Variants in CALD1 observed in about 807,000 individuals in gnomAD.
CALD1 encodes caldesmon.
Under a neutral mutation model 99.9 loss-of-function variants are expected in CALD1, and 33 were observed. The ratio of observed to expected loss-of-function variants is 0.33; its 90% CI spans 0.25 to 0.44. CALD1 has a LOEUF of 0.44. Among genes scored for constraint, CALD1 ranks in the 20% least tolerant of loss-of-function variants. The probability of loss-of-function intolerance (pLI) is 1.00; values close to 1 mark genes in which losing one functional copy is unlikely to be tolerated. For missense variants in CALD1, 861 were observed against 962.1 expected (o/e 0.89, Z 1.39); for synonymous variants, 310 against 325.0 (o/e 0.95, Z 0.50).
At chr7:134,947,985 A>G (rs1807035447) in intron 8 of CALD1, 2 of 512,562 alleles carry the variant, frequency 3.9e-6, no homozygotes, top group South Asian at 8.0e-5. Context: ...TACAGATGAG[A>G]AAACTGAGGC....
At chr7:134,817,142 TGG>T (rs1293477696) in intron 1 of CALD1, among the ~76,000 whole-genome samples, 15 of 152,120 alleles carry the variant, frequency 9.9e-5, no homozygotes. Flanking sequence ...AGTGCATCTT[TGG>T]AGGAATGCAA....
intron 1 of CALD1, among the ~76,000 whole-genome samples, chr7:134,772,912 A>G (rs1215382145): frequency 6.6e-6 from 1 of 151,826 alleles, no homozygotes. Flanking sequence ...GGACTCTTTC[A>G]CCTCTATCCT....
intron 2 of CALD1, among the ~76,000 whole-genome samples, chr7:134,861,469 C>T (rs1469969006): frequency 2.6e-5 from 4 of 152,140 alleles, no homozygotes; most frequent in African/African-American, 9.7e-5. Flanking sequence ...ACGACATGCT[C>T]CCTTTCTCCC....
At chr7:134,805,901 T>C (rs1013530208) in intron 1 of CALD1, among the ~76,000 whole-genome samples, 1 of 152,190 alleles carries the variant, frequency 6.6e-6, no homozygotes, top group Admixed American at 6.5e-5. Context: ...GCTGGGACTA[T>C]AGACACGTGC....
intron 1 of CALD1, chr7:134,745,704 G>C (rs1011408420): frequency 6.6e-6 from 1 of 152,200 alleles, no homozygotes; most frequent in Non-Finnish European, 1.5e-5. Context: ...ATTAATAAAA[G>C]TTCTGGAGGA....
At chr7:134,761,584 T>C (rs1387708721) in intron 1 of CALD1, among the ~76,000 whole-genome samples, 1 of 152,230 alleles carries the variant, frequency 6.6e-6, no homozygotes, top group African/African-American at 2.4e-5. Context: ...ATATCAACTC[T>C]TGTGAGGCAG....
chr7:134,722,389 T>TTTTGTTTA, the CALD1 span, among the ~76,000 whole-genome samples: 4 of 148,974 alleles, frequency 2.7e-5, no homozygotes, highest in African/African-American at 9.8e-5. Flanking sequence ...AGTAGTTCGA[T>TTTTGTTTA]TTTGTTTATT....
the CALD1 span, among the ~76,000 whole-genome samples, chr7:134,713,112 C>T: frequency 6.6e-6 from 1 of 152,194 alleles, no homozygotes. Context: ...CAAATTACTT[C>T]CTAACTAGTC....
At chr7:134,793,588 C>A (rs1426534661) in intron 1 of CALD1, among the ~76,000 whole-genome samples, 1 of 152,160 alleles carries the variant, frequency 6.6e-6, no homozygotes, top group Admixed American at 6.5e-5. Context: ...CTGCTCATGG[C>A]TTCTCTGTCT....
At chr7:134,766,148 T>TC (rs1796824772) in intron 1 of CALD1, among the ~76,000 whole-genome samples, 1 of 125,136 alleles carries the variant, frequency 8.0e-6, no homozygotes, top group African/African-American at 3.3e-5. Context: ...TTTCTTTTTT[T>TC]TTTTTTTTTT....
At chr7:134,826,289 T>G (rs1798991053) in intron 1 of CALD1, among the ~76,000 whole-genome samples, 1 of 152,188 alleles carries the variant, frequency 6.6e-6, no homozygotes, top group African/African-American at 2.4e-5. Flanking sequence ...CGAGCACAGC[T>G]GCCCATGACC....
At chr7:134,846,616 T>C (rs1202678163) in intron 2 of CALD1, among the ~76,000 whole-genome samples, 1 of 152,236 alleles carries the variant, frequency 6.6e-6, no homozygotes, top group East Asian at 1.9e-4. Flanking sequence ...CCTTGCTTTA[T>C]GTTTCTTCTC....
intron 6 of CALD1, among the ~76,000 whole-genome samples, chr7:134,938,299 C>T (rs1806153750): frequency 6.6e-6 from 1 of 152,164 alleles, no homozygotes; most frequent in African/African-American, 2.4e-5. Context: ...ATGCTCGAGA[C>T]ACATCTCAGT....
intron 2 of CALD1, among the ~76,000 whole-genome samples, chr7:134,848,965 T>G (rs1799965293): frequency 6.6e-6 from 1 of 152,228 alleles, no homozygotes; most frequent in South Asian, 2.1e-4. Flanking sequence ...CTTCTCCATC[T>G]CACGTGCCAT....
intron 2 of CALD1, among the ~76,000 whole-genome samples, chr7:134,865,116 AG>A (rs1033348932): frequency 7.9e-5 from 12 of 152,160 alleles, no homozygotes; most frequent in African/African-American, 2.9e-4. Flanking sequence ...AGCACTGAGT[AG>A]GGGTAGGGCA....
chr7:134,769,001 G>A lies in CALD1; in HGVS notation c.-130+24638G>A, dbSNP rs115255197. ...TGCTTCTGAGTTTCAGGTACATCTA[G>A]GTCATTCATTTTAGCTATTATGTAT... On this transcript the variant is annotated intron_variant, in intron 1 of 13. Transcript: ENST00000417172. Among the ~76,000 whole-genome samples the A allele has an allele frequency of 6.7e-3, 1,019 of 151,530 alleles. 12 individuals are homozygous for A. The highest frequency in any genetic ancestry group is 0.023 in the African/African-American group (970 of 41,372).
intron 1 of CALD1, among the ~76,000 whole-genome samples, chr7:134,841,566 G>T (rs754798425): frequency 3.3e-5 from 5 of 152,152 alleles, no homozygotes. Context: ...GCTCGTGCAA[G>T]CCTGTAGAAC....
the CALD1 span, among the ~76,000 whole-genome samples, chr7:134,730,056 G>A: frequency 1.3e-5 from 2 of 152,122 alleles, no homozygotes; most frequent in African/African-American, 4.8e-5. Context: ...ACATGAGGCG[G>A]CTGCTGCCTG....
In CALD1 at chr7:134,889,673, T is replaced by C. The variant is rs749341033; in HGVS notation, c.71+21869T>C. ...TCGATACATGTTTCTGTCTCAGTTC[T>C]AGAGCGAGAAACTCAGGACAAGTCA... On this transcript the variant is annotated intron_variant, in intron 3 of 14. Coordinates refer to ENST00000361675, the MANE Select transcript of CALD1 (RefSeq NM_033138.4). Among the ~76,000 whole-genome samples, 36 of 152,338 alleles carry C rather than the reference T, an allele frequency of 2.4e-4. No homozygotes were observed. The East Asian group carries it at 3.7e-3, about 16-fold the overall frequency.
Sources: allele counts gnomAD v4.1 joint callset (sites outside exome capture counted in the v4.1 genomes callset), GRCh38; gene constraint gnomAD v4.1.1; transcripts MANE v1.5; gene names NCBI Gene and HGNC (gene_info 2026-07-23, HGNC 2026-07-21).